Variants in UTY observed in about 807,000 individuals in gnomAD.
UTY encodes histone demethylase UTY.
UTY carries 12 observed loss-of-function variants against 32.5 expected under a neutral mutation model. The ratio of observed to expected loss-of-function variants is 0.37; its 90% CI spans 0.24 to 0.60. The LOEUF (loss-of-function observed/expected upper bound fraction) is 0.60. Ranked by LOEUF, UTY falls within the 20% of genes least tolerant of loss-of-function variation. The pLI, the probability that UTY is intolerant of heterozygous loss-of-function variation, is 0.69. For synonymous variants in UTY, 131 were observed against 103.4 expected (o/e 1.27, Z -1.62); for missense variants, 303 against 299.2 (o/e 1.01, Z -0.09).
At chrY:13,321,730 A>G (rs1335887286) in intron 21 of UTY, among the ~76,000 whole-genome samples, 1 of 33,484 alleles carries the variant, frequency 3.0e-5, no homozygotes. Context: ...GTAAAATCAA[A>G]CTGTGCTCTG....
At chrY:13,297,415 A>C in intron 27 of UTY, 1 of 86,543 alleles carries the variant, frequency 1.2e-5, no homozygotes, top group Non-Finnish European at 2.0e-5. Context: ...TTTTATCAGA[A>C]TTACGAGAAA....
intron 21 of UTY, among the ~76,000 whole-genome samples, chrY:13,311,367 G>T: frequency 6.2e-5 from 2 of 32,500 alleles, no homozygotes; most frequent in Non-Finnish European, 1.5e-4. Flanking sequence ...AGACCGAGGC[G>T]GGCGGATCAC....
rs757753661 is a variant in UTY at position 13,359,102 on chromosome Y, T to C, written c.1306A>G (p.Asn436Asp). The part of the protein sequence containing the change: ...AELTSRQGAM[N>D]TAQQAYRAHD... ...CAACTTCTCACCTGCTGTGCTGTGT[T>C]CATGGCACCCTGCCTGGAGGTAAGC... Residue 436 changes from asparagine to aspartate, a missense_variant, in exon 13 of 30, where the codon AAC (asparagine) becomes GAC (aspartate). Transcript: ENST00000545955. 2.5e-6 allele frequency: 1 copy of C among 397,052 alleles called. No homozygotes were observed. The highest frequency in any genetic ancestry group is 3.5e-6 in the Non-Finnish European group (1 of 282,698).
chrY:13,248,037 T>C, downstream of UTY, among the ~76,000 whole-genome samples: 1 of 33,799 alleles, frequency 3.0e-5, no homozygotes, highest in African/African-American at 1.2e-4. Flanking sequence ...GCATTTAAAA[T>C]ATCTAGAAGT....
intron 17 of UTY, among the ~76,000 whole-genome samples, chrY:13,348,514 TAAGAG>T (rs2062109826): frequency 2.6e-4 from 9 of 34,150 alleles, no homozygotes; most frequent in Non-Finnish European, 4.4e-4. Flanking sequence ...GACACAGCTA[TAAGAG>T]AAATCAAGAG....
intron 27 of UTY, among the ~76,000 whole-genome samples, chrY:13,281,083 T>C (rs2056985676): frequency 3.0e-5 from 1 of 32,887 alleles, no homozygotes. Flanking sequence ...AAAGGAGAAA[T>C]ACTTCTGACA....
rs771522207 is a variant in UTY at position 13,387,306 on chromosome Y, CAAA to C, written c.645+6550_645+6552del. On this transcript the variant is annotated intron_variant, in intron 8 of 29. Transcript: ENST00000545955. ...AAACAAAAGAGTTTTGTACAATACT[CAAA>C]TAACTATTAACACAGGTGGCTTTGG... Among the ~76,000 whole-genome samples, 4 of 33,158 alleles carry C rather than the reference CAAA, an allele frequency of 1.2e-4. No homozygotes were observed. The South Asian group carries it at 2.6e-3, about 22-fold the overall frequency. 89.0% of individuals were successfully genotyped at this position (33,158 alleles called of 37,273 possible).
chrY:13,265,942 G>C, intron 27 of UTY, among the ~76,000 whole-genome samples: 1 of 33,304 alleles, frequency 3.0e-5, no homozygotes, highest in African/African-American at 1.2e-4. Context: ...AGTTGTGAAG[G>C]GGTGTTGAAT....
intron 8 of UTY, among the ~76,000 whole-genome samples, chrY:13,388,959 G>A: frequency 3.1e-5 from 1 of 31,914 alleles, no homozygotes; most frequent in Non-Finnish European, 7.6e-5. Flanking sequence ...AGTACTGTGA[G>A]TCAATTAAAC....
chrY:13,423,426 A>AG (rs774036707), intron 4 of UTY, among the ~76,000 whole-genome samples: 2,789 of 33,364 alleles, frequency 0.084, no homozygotes, highest in Non-Finnish European at 0.031. Context: ...CAGCAGAACA[A>AG]GCCAAAAGCT....
At chrY:13,291,141 C>T in intron 27 of UTY, among the ~76,000 whole-genome samples, 4 of 32,902 alleles carry the variant, frequency 1.2e-4, no homozygotes, top group African/African-American at 2.4e-4. Flanking sequence ...CCACCGCCCT[C>T]GGCTGAATTT....
Position 13,479,281 on chromosome Y carries a change from G to A in UTY, c.189C>T (p.Gly63=), listed in dbSNP as rs1250473236. The change falls in exon 2 of 30, where the codon GGC becomes GGT. Residue 63 remains glycine (G), a synonymous_variant. Coordinates refer to ENST00000545955, the MANE Select transcript of UTY (RefSeq NM_001258249.2). ...TGCCTAGTAGGGTCTTCGTTCTGGC[G>A]CCATCTTCATGAAGCCTCACGAACC... The part of the protein sequence containing the change: ...LFGFVRLHED[G]ARTKTLLGKA... 2.5e-6 allele frequency: 1 copy of A among 398,446 alleles called. No individual in the cohort carries two copies.
At chrY:13,305,690 C>T (rs2058639036) in intron 23 of UTY, 143 bp from the exon 24 acceptor site, 1 of 285,166 alleles carries the variant, frequency 3.5e-6, no homozygotes, top group African/African-American at 7.7e-5. Flanking sequence ...TAACTTATTC[C>T]AAAAATAAGT....
intron 8 of UTY, among the ~76,000 whole-genome samples, chrY:13,376,808 G>A (rs2065446729): frequency 3.0e-5 from 1 of 33,202 alleles, no homozygotes; most frequent in Non-Finnish European, 7.4e-5. Context: ...TTTCATCCCC[G>A]TGATGCTGAG....
At chrY:13,245,612 C>G, downstream of UTY, among the ~76,000 whole-genome samples, 1 of 34,273 alleles carries the variant, frequency 2.9e-5, no homozygotes, top group South Asian at 6.4e-4. Context: ...GCCTTTACTT[C>G]CATTCCACAA....
intron 19 of UTY, 111 bp downstream of exon 19, chrY:13,326,110 G>A: frequency 3.7e-6 from 1 of 269,753 alleles, no homozygotes; most frequent in Admixed American, 9.5e-5. Context: ...TGAGAGTAAA[G>A]TCTATGCTCC....
At chrY:13,414,869 C>T in intron 4 of UTY, 76 bp from the exon 5 acceptor site, 3 of 183,046 alleles carry the variant, frequency 1.6e-5, no homozygotes, top group Non-Finnish European at 2.5e-5. Flanking sequence ...AATAAGAAGT[C>T]ACGTAACGAG....
At position 13,299,015 on chromosome Y, in the gene UTY, A is replaced by G. The variant is rs1288905409; in HGVS notation, c.3810T>C (p.His1270=). 1 of 397,241 alleles carries G rather than the reference A, an allele frequency of 2.5e-6. No homozygotes were observed. Among genetic ancestry groups the G allele is most frequent in the Admixed American group, 7.5e-5 (1 of 13,350 alleles). Reference sequence around the variant, plus strand: ...TGCACCAGCCAACAGCTTGAACCCAATGCACAGTGCCTGCATTTATCCAGA... The same window carrying G: ...TGCACCAGCCAACAGCTTGAACCCAGTGCACAGTGCCTGCATTTATCCAGA... ...DLVWINAGTV[H]WVQAVGWCNN... The change falls in exon 26 of 30, where the codon CAT becomes CAC. Residue 1270 remains histidine, a synonymous_variant. Transcript: ENST00000545955.
chrY:13,282,243 AT>A (rs2057052601), intron 27 of UTY, among the ~76,000 whole-genome samples: 1 of 33,637 alleles, frequency 3.0e-5, no homozygotes, highest in Non-Finnish European at 7.4e-5. Context: ...CAATAAAGAG[AT>A]TAAGAATAAA....
Sources: allele counts gnomAD v4.1 joint callset (sites outside exome capture counted in the v4.1 genomes callset), GRCh38; gene constraint gnomAD v4.1.1; transcripts MANE v1.5; gene names NCBI Gene and HGNC (gene_info 2026-07-23, HGNC 2026-07-21).